ZFHX3: variants seen among roughly 807,000 people sequenced by gnomAD.
ZFHX3 encodes zinc finger homeobox 3, also known as zinc finger homeobox protein 3.
Under a neutral mutation model 279.1 loss-of-function variants are expected in ZFHX3, and 42 were observed. That is an observed-to-expected ratio of 0.15 (90% CI 0.12 to 0.19). ZFHX3 has a LOEUF of 0.19. Ranked by LOEUF, ZFHX3 falls within the 10% of genes least tolerant of loss-of-function variation. ZFHX3 has a pLI of 1.00. For missense variants in ZFHX3, 4,981 were observed against 4,754.0 expected, an observed-to-expected ratio of 1.05 and a Z score of -1.40; for synonymous variants, 2,293 against 1,957.8, an observed-to-expected ratio of 1.17 and a Z score of -4.52.
intron 2 of ZFHX3, among the ~76,000 whole-genome samples, chr16:73,512,495 G>GA (rs1168882532): frequency 0.029 from 3,854 of 130,876 alleles, 120 homozygotes; most frequent in African/African-American, 0.081. Flanking sequence ...GTCTTCTGTG[G>GA]AAAAAAAAAA....
chr16:73,535,969 G>A (rs551552458), intron 2 of ZFHX3, among the ~76,000 whole-genome samples: 10 of 152,066 alleles, frequency 6.6e-5, no homozygotes, highest in East Asian at 3.9e-4. Context: ...GGATCCGCCC[G>A]CCTCAGCCTC....
In ZFHX3 at chr16:73,043,216, G is replaced by C. The variant is rs565177946; in HGVS notation, c.-50+4536C>G. Among the ~76,000 whole-genome samples, 9 of 152,282 alleles carry C rather than the reference G, an allele frequency of 5.9e-5. No homozygotes were observed. In the South Asian group the frequency reaches 1.9e-3, roughly 32 times the overall value. ...AAGACCTCCAGGACACAGCAAGCCA[G>C]CTAAGGCCCCTCTGGAAAGGTACAC... On this transcript the variant is annotated intron_variant, in intron 1 of 9. Coordinates refer to ENST00000268489, the MANE Select transcript of ZFHX3 (RefSeq NM_006885.4).
chr16:73,647,501 C>CTT (rs2052630975), intron 2 of ZFHX3, among the ~76,000 whole-genome samples: 1 of 152,118 alleles, frequency 6.6e-6, no homozygotes, highest in South Asian at 2.1e-4. Flanking sequence ...CATCTTAAGA[C>CTT]ATCTTTCACC....
chr16:73,349,751 C>T (rs1305650547), intron 3 of ZFHX3, among the ~76,000 whole-genome samples: 2 of 74,090 alleles, frequency 2.7e-5, no homozygotes, highest in African/African-American at 8.2e-5. Flanking sequence ...TCCCTCCCTC[C>T]CTCCCTCCTT....
intron 4 of ZFHX3, among the ~76,000 whole-genome samples, chr16:72,845,546 C>T (rs938582284): frequency 3.3e-5 from 5 of 152,210 alleles, no homozygotes; most frequent in African/African-American, 7.2e-5. Flanking sequence ...CCCCACGCCA[C>T]GTGCTCCCAC....
At chr16:73,145,177 T>C (rs1395324235) in intron 5 of ZFHX3, among the ~76,000 whole-genome samples, 1 of 152,176 alleles carries the variant, frequency 6.6e-6, no homozygotes, top group Non-Finnish European at 1.5e-5. Flanking sequence ...GTTTCTGTAC[T>C]TCAAGCTCAA....
chr16:73,428,040 C>A (rs1039500577), intron 3 of ZFHX3, among the ~76,000 whole-genome samples: 2 of 152,174 alleles, frequency 1.3e-5, no homozygotes, highest in African/African-American at 4.8e-5. Context: ...CATGCATGCA[C>A]ACACGTAGAC....
chr16:73,686,895 G>A (rs1239930847), intron 1 of ZFHX3, among the ~76,000 whole-genome samples: 1 of 151,074 alleles, frequency 6.6e-6, no homozygotes, highest in Non-Finnish European at 1.5e-5. Context: ...GGTTCACCCT[G>A]TATTCACCAC....
chr16:73,736,116 G>T (rs567865613), intron 1 of ZFHX3, among the ~76,000 whole-genome samples: 1 of 152,122 alleles, frequency 6.6e-6, no homozygotes, highest in Non-Finnish European at 1.5e-5. Context: ...TTTTCTTTCA[G>T]GTCACCATGA....
chr16:73,071,975 A>G (rs1389695576), intron 8 of ZFHX3, among the ~76,000 whole-genome samples: 1 of 152,194 alleles, frequency 6.6e-6, no homozygotes, highest in Non-Finnish European at 1.5e-5. Context: ...GAGTGGGATG[A>G]TACCCCTTTT....
chr16:72,840,123 C>T (rs943800904), intron 4 of ZFHX3, among the ~76,000 whole-genome samples: 1 of 137,822 alleles, frequency 7.3e-6, no homozygotes, highest in African/African-American at 2.6e-5. Context: ...ATGCTTAATG[C>T]AAAAAAAAAA....
chr16:72,901,413 C>T (rs973155889), intron 3 of ZFHX3, among the ~76,000 whole-genome samples: 2 of 152,188 alleles, frequency 1.3e-5, no homozygotes, highest in Admixed American at 6.5e-5. Context: ...ACATTCATCA[C>T]CTTCATAATG....
intron 2 of ZFHX3, among the ~76,000 whole-genome samples, chr16:73,493,632 A>C (rs563808735): frequency 6.6e-6 from 1 of 152,314 alleles, no homozygotes; most frequent in South Asian, 2.1e-4. Context: ...GTCCAGCCAC[A>C]CAGCAGAGCA....
intron 3 of ZFHX3, among the ~76,000 whole-genome samples, chr16:73,452,356 C>A: frequency 6.6e-6 from 1 of 152,258 alleles, no homozygotes; most frequent in Middle Eastern, 3.4e-3. Flanking sequence ...AAAAACACAT[C>A]TTTCATCAAC....
chr16:72,847,379 G>T (rs1023960581), intron 4 of ZFHX3, among the ~76,000 whole-genome samples: 19 of 152,170 alleles, frequency 1.2e-4, no homozygotes, highest in Non-Finnish European at 2.5e-4. Flanking sequence ...CTCAGGGCTG[G>T]AGCAAGGCAG....
chr16:73,060,950 G>A (rs1423380206), upstream of ZFHX3: 1 of 152,012 alleles, frequency 6.6e-6, no homozygotes, highest in East Asian at 1.9e-4. Flanking sequence ...AAAAAAACCG[G>A]TTTAGGATTT....
chr16:73,887,029 C>A (rs919821686), intron 1 of ZFHX3, among the ~76,000 whole-genome samples: 1 of 152,166 alleles, frequency 6.6e-6, no homozygotes, highest in Non-Finnish European at 1.5e-5. Flanking sequence ...CCACCTTCTG[C>A]CTTCAGTCAA....
At chr16:73,270,826 G>C in intron 4 of ZFHX3, among the ~76,000 whole-genome samples, 1 of 152,190 alleles carries the variant, frequency 6.6e-6, no homozygotes, top group Non-Finnish European at 1.5e-5. Flanking sequence ...CCCACTGCGT[G>C]CTGGGAGGTC....
chr16:72,988,616 G>GGT (rs1962944932), intron 1 of ZFHX3, among the ~76,000 whole-genome samples: 1 of 152,110 alleles, frequency 6.6e-6, no homozygotes, highest in Non-Finnish European at 1.5e-5. Context: ...GCACTAACTG[G>GGT]GTCCCTGCAA....
Sources: gnomAD v4.1 joint callset for allele counts (sites outside exome capture counted in the v4.1 genomes callset) on GRCh38, gnomAD v4.1.1 for gene constraint, MANE v1.5 for transcripts, NCBI Gene and HGNC (gene_info 2026-07-23, HGNC 2026-07-21) for gene names.